The following WDR70 variants were observed in gnomAD, a reference collection of about 807,000 sequenced individuals.
The protein encoded by WDR70 is WD repeat-containing protein 70.
In WDR70, 53 loss-of-function variants were observed where a neutral mutation model predicts 88.6. The ratio of observed to expected loss-of-function variants is 0.60; its 90% CI spans 0.48 to 0.75. The LOEUF (loss-of-function observed/expected upper bound fraction) is 0.75. Among genes scored for constraint, WDR70 ranks in the 30% least tolerant of loss-of-function variants. The pLI, the probability that WDR70 is intolerant of heterozygous loss-of-function variation, is 0.00. For missense variants in WDR70, 610 were observed against 823.2 expected (o/e 0.74, Z 3.17); for synonymous variants, 280 against 270.0 (o/e 1.04, Z -0.36).
intron 9 of WDR70, among the ~76,000 whole-genome samples, chr5:37,604,378 A>T (rs979885501): frequency 1.3e-5 from 2 of 152,148 alleles, no homozygotes; most frequent in African/African-American, 2.4e-5. Flanking sequence ...TGCTTACCTC[A>T]TCTTTGTTTT....
intron 10 of WDR70, among the ~76,000 whole-genome samples, chr5:37,635,776 C>T (rs979075836): frequency 6.6e-6 from 1 of 152,132 alleles, no homozygotes; most frequent in African/African-American, 2.4e-5. Context: ...TGTGTCCCCA[C>T]CCAAATCTCA....
intron 12 of WDR70, 94 bp downstream of exon 12, chr5:37,701,236 T>G: frequency 1.3e-6 from 1 of 797,512 alleles, no homozygotes; most frequent in Non-Finnish European, 2.0e-6. Context: ...GTCTTTTAGA[T>G]CTTCTGGAAA....
intron 13 of WDR70, among the ~76,000 whole-genome samples, chr5:37,711,143 A>G (rs1477775914): frequency 6.6e-6 from 1 of 152,126 alleles, no homozygotes; most frequent in East Asian, 1.9e-4. Context: ...AGGGACATTC[A>G]TATGGTAGGA....
intron 9 of WDR70, among the ~76,000 whole-genome samples, chr5:37,569,653 T>G (rs1742843821): frequency 6.6e-6 from 1 of 152,206 alleles, no homozygotes; most frequent in African/African-American, 2.4e-5. Context: ...CAAATTGCTT[T>G]TGACCATTCA....
intron 10 of WDR70, 101 bp from the exon 11 acceptor site, chr5:37,697,554 T>C: frequency 1.1e-6 from 1 of 883,102 alleles, no homozygotes; most frequent in Non-Finnish European, 1.8e-6. Flanking sequence ...CTTATAGGTG[T>C]GTATTATTTT....
At chr5:37,622,060 C>A (rs986336507) in intron 10 of WDR70, among the ~76,000 whole-genome samples, 23 of 152,116 alleles carry the variant, frequency 1.5e-4, no homozygotes, top group East Asian at 9.7e-4. Context: ...ATTATTTCTG[C>A]GGGCTCTGTT....
At chr5:37,575,332 C>T (rs1032652270) in intron 9 of WDR70, among the ~76,000 whole-genome samples, 1 of 152,088 alleles carries the variant, frequency 6.6e-6, no homozygotes, top group African/African-American at 2.4e-5. Context: ...TACAGAGCTC[C>T]TAAATCCTTG....
chr5:37,383,381 T>C (rs1748493874), intron 3 of WDR70, among the ~76,000 whole-genome samples: 1 of 152,020 alleles, frequency 6.6e-6, no homozygotes, highest in Non-Finnish European at 1.5e-5. Context: ...TGCCTCAGCC[T>C]CCTGAGTAGC....
intron 10 of WDR70, among the ~76,000 whole-genome samples, chr5:37,621,579 G>GT (rs1744507289): frequency 6.6e-6 from 1 of 151,960 alleles, no homozygotes; most frequent in African/African-American, 2.4e-5. Flanking sequence ...GGGGTTGTTT[G>GT]TTTTTTTCTT....
chr5:37,484,542 G>A (rs183695960), intron 8 of WDR70, among the ~76,000 whole-genome samples: 4 of 152,144 alleles, frequency 2.6e-5, no homozygotes, highest in South Asian at 2.1e-4. Context: ...GAGGGAGACC[G>A]TGGAAAGAGA....
chr5:37,710,115 A>G (rs973463339), intron 13 of WDR70, among the ~76,000 whole-genome samples: 2 of 152,184 alleles, frequency 1.3e-5, no homozygotes, highest in African/African-American at 4.8e-5. Context: ...TTAACTGTTA[A>G]TATCTACGAT....
intron 3 of WDR70, among the ~76,000 whole-genome samples, chr5:37,387,013 C>T (rs1213310911): frequency 6.6e-6 from 1 of 151,698 alleles, no homozygotes; most frequent in African/African-American, 2.4e-5. Context: ...GCAGGAGAAT[C>T]GCTTGAACCT....
chr5:37,461,868 T>C (rs1370641494), intron 7 of WDR70, among the ~76,000 whole-genome samples: 1 of 152,194 alleles, frequency 6.6e-6, no homozygotes, highest in Non-Finnish European at 1.5e-5. Flanking sequence ...TCCACATTGT[T>C]TTTTGTGCCT....
chr5:37,594,576 G>A (rs888335769), intron 9 of WDR70, among the ~76,000 whole-genome samples: 1 of 152,158 alleles, frequency 6.6e-6, no homozygotes, highest in East Asian at 1.9e-4. Context: ...GTCAGGTAGT[G>A]TGATGCCTCC....
At chr5:37,676,869 T>C (rs1746241165) in intron 10 of WDR70, among the ~76,000 whole-genome samples, 1 of 152,230 alleles carries the variant, frequency 6.6e-6, no homozygotes, top group Non-Finnish European at 1.5e-5. Flanking sequence ...GGTCTTGGAC[T>C]CTTTTTGGTT....
chr5:37,699,400 TATACACAC>T (rs138564725), intron 11 of WDR70, among the ~76,000 whole-genome samples: 58,268 of 146,874 alleles, frequency 0.4, 13,229 homozygotes, highest in East Asian at 0.54. Flanking sequence ...TGTATATATA[TATACACAC>T]ACACACACAC....
At chr5:37,676,345 C>T (rs1012566595) in intron 10 of WDR70, among the ~76,000 whole-genome samples, 10 of 152,138 alleles carry the variant, frequency 6.6e-5, no homozygotes, top group African/African-American at 2.4e-4. Context: ...AGTTTTTGTC[C>T]ATTCAGGATG....
intron 9 of WDR70, among the ~76,000 whole-genome samples, chr5:37,559,224 G>A (rs1245835031): frequency 6.6e-6 from 1 of 152,160 alleles, no homozygotes; most frequent in East Asian, 1.9e-4. Context: ...GAGCCACCAT[G>A]CCAGGCCAAT....
intron 17 of WDR70, among the ~76,000 whole-genome samples, chr5:37,739,038 TAGTAA>T (rs1386575020): frequency 1.3e-5 from 2 of 152,240 alleles, no homozygotes; most frequent in African/African-American, 4.8e-5. Flanking sequence ...TTGGTAACTC[TAGTAA>T]ACAAGTTGAC....
Sources: gnomAD v4.1 joint callset for allele counts (sites outside exome capture counted in the v4.1 genomes callset) on GRCh38, gnomAD v4.1.1 for gene constraint, MANE v1.5 for transcripts, NCBI Gene and HGNC (gene_info 2026-07-23, HGNC 2026-07-21) for gene names.